The following QNG1 variants were observed in gnomAD, a reference collection of about 807,000 sequenced individuals.
The protein encoded by QNG1 is queuosine 5'-phosphate N-glycosylase/hydrolase.
chr9:83,955,175 C>A, the QNG1 span, among the ~76,000 whole-genome samples: 3 of 152,004 alleles, frequency 2.0e-5, no homozygotes, highest in African/African-American at 4.8e-5. Context: ...CTCCAGCCTG[C>A]GCAACAAGAG....
chr9:83,941,675 G>A, the QNG1 span, among the ~76,000 whole-genome samples: 4 of 152,076 alleles, frequency 2.6e-5, no homozygotes, highest in African/African-American at 9.7e-5. Context: ...CACTTTGGGA[G>A]GCCAAGGCGG....
the QNG1 span, chr9:83,939,275 G>C: frequency 9.3e-6 from 4 of 432,264 alleles, no homozygotes; most frequent in East Asian, 1.8e-4. Flanking sequence ...GTTTCACCAT[G>C]TTGGCCAGGT....
the QNG1 span, among the ~76,000 whole-genome samples, chr9:83,948,705 T>A: frequency 1.3e-5 from 2 of 152,204 alleles, no homozygotes. Flanking sequence ...TGTGTCCGTG[T>A]AGAAAGAAGT....
At chr9:83,943,331 C>CAAAAAAAAAAAAAAAAAAAAAAAAAA in the QNG1 span, among the ~76,000 whole-genome samples, 1 of 62,550 alleles carries the variant, frequency 1.6e-5, no homozygotes, top group Non-Finnish European at 3.5e-5. Flanking sequence ...CAGAGCGTCT[C>CAAAAAAAAAAAAAAAAAAAAAAAAAA]AAAAAAAAAA....
the QNG1 span, among the ~76,000 whole-genome samples, chr9:83,945,379 T>C: frequency 2.7e-5 from 4 of 148,808 alleles, no homozygotes; most frequent in Non-Finnish European, 4.4e-5. Context: ...CCAGCCTGGG[T>C]TACAGAGGGA....
the QNG1 span, among the ~76,000 whole-genome samples, chr9:83,947,265 T>G: frequency 6.6e-6 from 1 of 152,156 alleles, no homozygotes; most frequent in Non-Finnish European, 1.5e-5. Context: ...TATTTTAACT[T>G]GTAAATGACA....
the QNG1 span, among the ~76,000 whole-genome samples, chr9:83,949,140 A>T: frequency 6.6e-6 from 1 of 152,202 alleles, no homozygotes; most frequent in Admixed American, 6.5e-5. Context: ...GAGCAAGTAT[A>T]CATTCTCATT....
chr9:83,953,798 C>T, the QNG1 span: 1 of 1,548,400 alleles, frequency 6.5e-7, no homozygotes, highest in Non-Finnish European at 8.7e-7. Context: ...AATCCGGGTG[C>T]AGCCTGTGAG....
chr9:83,946,343 A>C, the QNG1 span, among the ~76,000 whole-genome samples: 1 of 152,142 alleles, frequency 6.6e-6, no homozygotes, highest in East Asian at 1.9e-4. Flanking sequence ...CAACATACAA[A>C]GAATAATCAT....
chr9:83,947,381 C>A, the QNG1 span, among the ~76,000 whole-genome samples: 1 of 152,232 alleles, frequency 6.6e-6, no homozygotes, highest in East Asian at 1.9e-4. Context: ...GCCAATGATA[C>A]CCTGTCATAA....
chr9:83,951,535 T>C, the QNG1 span, among the ~76,000 whole-genome samples: 1 of 152,302 alleles, frequency 6.6e-6, no homozygotes, highest in African/African-American at 2.4e-5. Flanking sequence ...CACTGCAGCC[T>C]GGGTGACAGC....
At chr9:83,949,404 G>A in the QNG1 span, among the ~76,000 whole-genome samples, 1 of 152,184 alleles carries the variant, frequency 6.6e-6, no homozygotes, top group Non-Finnish European at 1.5e-5. Flanking sequence ...AGCACTTTGG[G>A]AGGCCGAGGC....
At chr9:83,955,907 T>C in the QNG1 span, among the ~76,000 whole-genome samples, 2 of 152,238 alleles carry the variant, frequency 1.3e-5, no homozygotes, top group Non-Finnish European at 2.9e-5. Context: ...TCAGGTGTCA[T>C]TCAAATGGCA....
chr9:83,941,170 G>A, the QNG1 span, among the ~76,000 whole-genome samples: 1 of 152,162 alleles, frequency 6.6e-6, no homozygotes, highest in Non-Finnish European at 1.5e-5. Flanking sequence ...TCAGGTTCCT[G>A]ACCCAGGATC....
the QNG1 span, among the ~76,000 whole-genome samples, chr9:83,941,730 T>C: frequency 1.3e-5 from 2 of 150,780 alleles, no homozygotes; most frequent in Admixed American, 1.3e-4. Flanking sequence ...CTGGCCAACA[T>C]GGTAAAACCT....
At chr9:83,939,277 T>C in the QNG1 span, 2 of 436,360 alleles carry the variant, frequency 4.6e-6, no homozygotes, top group Admixed American at 7.6e-5. Context: ...TTCACCATGT[T>C]GGCCAGGTGG....
chr9:83,956,645 T>A, the QNG1 span: 2 of 628,192 alleles, frequency 3.2e-6, no homozygotes, highest in Admixed American at 3.5e-5. Context: ...GAGAACTTAG[T>A]GCAGCCAAGG....
At chr9:83,943,272 G>A in the QNG1 span, among the ~76,000 whole-genome samples, 1 of 148,672 alleles carries the variant, frequency 6.7e-6, no homozygotes, top group African/African-American at 2.5e-5. Context: ...CCTGGGAGGC[G>A]GAGGTTCTGG....
At chr9:83,950,459 G>T in the QNG1 span, among the ~76,000 whole-genome samples, 1 of 152,122 alleles carries the variant, frequency 6.6e-6, no homozygotes, top group East Asian at 1.9e-4. Context: ...AAAACTACTA[G>T]TAAATCTCCA....
Sources: gnomAD v4.1 joint callset for allele counts (sites outside exome capture counted in the v4.1 genomes callset) on GRCh38, gnomAD v4.1.1 for gene constraint, MANE v1.5 for transcripts, NCBI Gene and HGNC (gene_info 2026-07-23, HGNC 2026-07-21) for gene names.